MARCHF6: variants seen among roughly 807,000 people sequenced by gnomAD.
MARCHF6 encodes membrane associated ring-CH-type finger 6.
Under a neutral mutation model 133.7 loss-of-function variants are expected in MARCHF6, and 31 were observed. The observed-to-expected ratio is 0.23, with a 90% CI of 0.17 to 0.31. The LOEUF (loss-of-function observed/expected upper bound fraction) is 0.31. Among genes scored for constraint, MARCHF6 ranks in the 10% least tolerant of loss-of-function variants. The pLI is 1.00. For missense variants in MARCHF6, 723 were observed against 1,121.6 expected, an observed-to-expected ratio of 0.64 and a Z score of 5.08; for synonymous variants, 395 against 402.5, an observed-to-expected ratio of 0.98 and a Z score of 0.22.
At chr5:10,425,601 G>C (rs1250799051) in intron 23 of MARCHF6, among the ~76,000 whole-genome samples, 2 of 152,218 alleles carry the variant, frequency 1.3e-5, no homozygotes, top group East Asian at 3.8e-4. Context: ...GCCTTTAAAA[G>C]GTTAAGCATG....
intron 16 of MARCHF6, among the ~76,000 whole-genome samples, chr5:10,406,433 A>G (rs1579592956): frequency 2.0e-5 from 3 of 148,528 alleles, no homozygotes; most frequent in African/African-American, 7.5e-5. Flanking sequence ...TCTGTCACCC[A>G]TGTTAGAGTG....
intron 22 of MARCHF6, among the ~76,000 whole-genome samples, chr5:10,418,880 G>T (rs1739680811): frequency 6.6e-6 from 1 of 152,214 alleles, no homozygotes; most frequent in Non-Finnish European, 1.5e-5. Flanking sequence ...AGGAACTGTG[G>T]CATTGTGTAG....
rs772912835 is a variant in MARCHF6 at position 10,411,436 on chromosome 5, G to A, written c.1795G>A (p.Val599Met). ...TGCTCGAAATAACAACGCTATTCCT[G>A]TGGTGGGAGAAGGCCTTCATGCAGC... Reference protein sequence around the residue: ...QHARNNNAIPVVGEGLHAAHQ... With the variant: ...QHARNNNAIPMVGEGLHAAHQ... Residue 599 changes from valine to methionine, a missense_variant, in exon 19 of 26, where the codon GTG becomes ATG. Transcript: ENST00000274140. 1 of 1,614,232 alleles carries A rather than the reference G, an allele frequency of 6.2e-7. No homozygotes were observed.
At chr5:10,381,261 C>G (rs989858171) in intron 3 of MARCHF6, among the ~76,000 whole-genome samples, 3 of 152,116 alleles carry the variant, frequency 2.0e-5, no homozygotes, top group Non-Finnish European at 4.4e-5. Context: ...CTGAATTTAT[C>G]ATTTGAAATT....
At chr5:10,354,090 C>A in intron 1 of MARCHF6, 173 bp downstream of exon 1, 2 of 506,012 alleles carry the variant, frequency 4.0e-6, no homozygotes, top group Non-Finnish European at 6.1e-6. Context: ...CCTCTGCGCG[C>A]CCCCCGCCGT....
intron 1 of MARCHF6, among the ~76,000 whole-genome samples, chr5:10,360,144 GTTT>G (rs1164778520): frequency 4.0e-5 from 3 of 75,096 alleles, no homozygotes; most frequent in East Asian, 3.6e-4. Flanking sequence ...ATGTGTGTGT[GTTT>G]TTTTTTTTTT....
At position 10,391,450 on chromosome 5, in the gene MARCHF6, T is replaced by G. The variant is rs556094759; in HGVS notation, c.577-92T>G. On this transcript the variant is annotated intron_variant, in intron 6 of 25. Coordinates refer to ENST00000274140, the MANE Select transcript of MARCHF6 (RefSeq NM_005885.4). Reference sequence around the variant, plus strand: ...ACCTGGCCTAGGTTTTTTTTTTTTTTTTTTTTTTTTTTTTAGCAGGAATAA... The same window carrying G: ...ACCTGGCCTAGGTTTTTTTTTTTTTGTTTTTTTTTTTTTTAGCAGGAATAA... 5,104 of 539,052 alleles carry G rather than the reference T, an allele frequency of 9.5e-3. 261 individuals are homozygous for G. In the African/African-American group the frequency reaches 0.096, roughly 10 times the overall value. The allele number at this position is 539,052 out of a possible 1,614,324, so 33.4% of individuals were successfully genotyped here. A position where few individuals can be genotyped will look rare whatever the true frequency, so the allele number is the denominator to read the frequency against.
chr5:10,386,950 T>C, intron 4 of MARCHF6, 44 bp from the exon 5 acceptor site: 1 of 1,457,842 alleles, frequency 6.9e-7, no homozygotes, highest in South Asian at 1.1e-5. Context: ...TGTGAATTCA[T>C]GATGCGAGTT....
chr5:10,362,165 A>G (rs1406982398), intron 1 of MARCHF6, among the ~76,000 whole-genome samples: 1 of 152,202 alleles, frequency 6.6e-6, no homozygotes, highest in Non-Finnish European at 1.5e-5. Flanking sequence ...TTTACACACA[A>G]ATTTACCCTG....
At chr5:10,397,172 A>C (rs1561127122) in intron 9 of MARCHF6, 121 bp from the exon 10 acceptor site, 2 of 628,184 alleles carry the variant, frequency 3.2e-6, no homozygotes, top group Non-Finnish European at 5.3e-6. Flanking sequence ...AAAACAATAG[A>C]GGGAAAATTT....
intron 1 of MARCHF6, among the ~76,000 whole-genome samples, chr5:10,361,827 G>C (rs977094366): frequency 6.6e-6 from 1 of 151,902 alleles, no homozygotes; most frequent in Non-Finnish European, 1.5e-5. Flanking sequence ...GCAATGGCGC[G>C]ATCTCGGCTC....
Position 10,378,835 on chromosome 5 carries a change from A to G in MARCHF6, c.190+3A>G. Reference sequence around the variant, plus strand: ...GCACAGATTTGCTTTTACACCAAGTAAGTTCTTTAGACATTTTCACTGCAT... The same window carrying G: ...GCACAGATTTGCTTTTACACCAAGTGAGTTCTTTAGACATTTTCACTGCAT... On this transcript the variant is annotated splice_donor_region_variant and intron_variant, in intron 3 of 25. Coordinates refer to ENST00000274140, the MANE Select transcript of MARCHF6 (RefSeq NM_005885.4). The G allele has an allele frequency of 1.2e-6, 2 of 1,601,578 alleles. No homozygotes were observed. The highest frequency in any genetic ancestry group is 1.7e-6 in the Non-Finnish European group (2 of 1,170,906).
chr5:10,407,665 G>A (rs1020088213), intron 17 of MARCHF6, among the ~76,000 whole-genome samples: 2 of 152,188 alleles, frequency 1.3e-5, no homozygotes, highest in African/African-American at 2.4e-5. Context: ...AAACTTAAGT[G>A]GGCTAAGGCC....
rs765337627 is a variant in MARCHF6 at position 10,405,965 on chromosome 5, G to A, written c.1452+288G>A. Among the ~76,000 whole-genome samples, 63 of 152,128 alleles carry A rather than the reference G, an allele frequency of 4.1e-4. 1 individual carries two copies. The highest frequency in any genetic ancestry group is 3.7e-3 in the East Asian group (19 of 5,200). ...TTGGCTGGGTACTGGTGCATGTCCC[G>A]TTAGGAATGGCCGCACAGCAGGAGA... On this transcript the variant is annotated intron_variant, in intron 16 of 25. Transcript: ENST00000274140.
rs1740285967 is a variant in MARCHF6 at position 10,429,964 on chromosome 5, A to T, written c.2578A>T (p.Met860Leu). Reference sequence around the variant, plus strand: ...ATTTTTACTGATGGTCGTGGTATTGATGGCAATTTTGTCCTTCCAAGTCCG... The same window carrying T: ...ATTTTTACTGATGGTCGTGGTATTGTTGGCAATTTTGTCCTTCCAAGTCCG... Reference protein sequence around the residue: ...YPFLLMVVVLMAILSFQVRQF... With the variant: ...YPFLLMVVVLLAILSFQVRQF... The change falls in exon 25 of 26, where the codon ATG (methionine) becomes TTG (leucine). Residue 860 changes from methionine (M) to leucine (L), a missense_variant. By Grantham distance (15) the Met-to-Leu change is conservative (BLOSUM62 2). Around this residue, in one of 4 missense-constraint regions of MARCHF6, gnomAD observed 492 missense variants for 699.5 expected, o/e 0.70. Coordinates refer to ENST00000274140, the MANE Select transcript of MARCHF6 (RefSeq NM_005885.4). 6.2e-7 allele frequency: 1 copy of T among 1,613,630 alleles called. No homozygotes were observed. The highest frequency in any genetic ancestry group is 1.3e-5 in the African/African-American group (1 of 74,896).
At position 10,411,483 on chromosome 5, in the gene MARCHF6, G is replaced by T; in HGVS notation, c.1842G>T (p.Gln614His). 3 of 1,614,260 alleles carry T rather than the reference G, an allele frequency of 1.9e-6. No individual in the cohort carries two copies. Among genetic ancestry groups the T allele is most frequent in the Non-Finnish European group, 2.5e-6 (3 of 1,180,044 alleles). The change falls in exon 19 of 26, where the codon CAG becomes CAT. Residue 614 changes from glutamine (Q) to histidine (H), a missense_variant. By Grantham distance (24) the Gln-to-His change is conservative (BLOSUM62 0). This residue lies in a region of MARCHF6 where 492 missense variants were observed against 699.5 expected (regional missense o/e 0.70). Coordinates refer to ENST00000274140, the MANE Select transcript of MARCHF6 (RefSeq NM_005885.4). The stretch of plus-strand genomic sequence containing the variant: ...CAGCCCACCAAGCCATACTCCAGCA[G>T]GGAGGGCCTGTTGGCTTTCAGCCTT... ...LHAAHQAILQ[Q>H]GGPVGFQPYR...
At chr5:10,374,370 G>T (rs1183135111) in intron 1 of MARCHF6, among the ~76,000 whole-genome samples, 1 of 152,190 alleles carries the variant, frequency 6.6e-6, no homozygotes, top group Non-Finnish European at 1.5e-5. Context: ...TCCATTGCAA[G>T]AAAGTCCATG....
rs373252255 is a variant in MARCHF6, at chr5:10,403,388, C to T, written c.1198-19C>T. 2.4e-5 allele frequency: 38 copies of T among 1,605,408 alleles called. No individual in the cohort carries two copies. Among genetic ancestry groups the T allele is most frequent in the Non-Finnish European group, 3.1e-5 (37 of 1,176,828 alleles). ...TGTAGGGGGCACAGATTTCTCTTAC[C>T]TGTCCTCTTTTGTCTCAGGAAATGT... On this transcript the variant is annotated intron_variant, in intron 14 of 25. Coordinates refer to ENST00000274140, the MANE Select transcript of MARCHF6 (RefSeq NM_005885.4).
chr5:10,356,139 C>CA (rs1561088867), intron 1 of MARCHF6, among the ~76,000 whole-genome samples: 1 of 151,470 alleles, frequency 6.6e-6, no homozygotes, highest in African/African-American at 2.4e-5. Context: ...GCAAAGATGC[C>CA]AAAAAACTAA....
Sources: gnomAD v4.1 joint callset for allele counts (sites outside exome capture counted in the v4.1 genomes callset) on GRCh38, gnomAD v4.1.1 for gene constraint, gnomAD v4.1.1 regional missense constraint, MANE v1.5 for transcripts, NCBI Gene and HGNC (gene_info 2026-07-23, HGNC 2026-07-21) for gene names.